Variants in HPD observed in about 807,000 individuals in gnomAD.
HPD encodes the protein 4-hydroxyphenylpyruvic acid oxidase.
HPD carries 35 observed loss-of-function variants against 56.9 expected under a neutral mutation model. That is an observed-to-expected ratio of 0.62 (90% CI 0.47 to 0.82). The LOEUF (loss-of-function observed/expected upper bound fraction) is 0.82. Among genes scored for constraint, HPD ranks in the 40% least tolerant of loss-of-function variants. The pLI, the probability that HPD is intolerant of heterozygous loss-of-function variation, is 0.00. For missense variants in HPD, 442 were observed against 506.8 expected, an observed-to-expected ratio of 0.87 and a Z score of 1.23; for synonymous variants, 186 against 200.2, an observed-to-expected ratio of 0.93 and a Z score of 0.60.
At chr12:121,853,339 G>A (rs187018841) in intron 7 of HPD, among the ~76,000 whole-genome samples, 1 of 152,038 alleles carries the variant, frequency 6.6e-6, no homozygotes, top group Non-Finnish European at 1.5e-5. Flanking sequence ...TATAATAAAA[G>A]TTGAAGAGGT....
the HPD span, among the ~76,000 whole-genome samples, chr12:121,871,960 C>T: frequency 1.5e-4 from 23 of 150,674 alleles, no homozygotes; most frequent in East Asian, 4.0e-4. Context: ...GGGCTGGGCG[C>T]GGTGGCTCAC....
the HPD span, among the ~76,000 whole-genome samples, chr12:121,887,417 A>C: frequency 1.3e-5 from 2 of 151,374 alleles, no homozygotes; most frequent in Non-Finnish European, 2.9e-5. Flanking sequence ...GCGGTAGCTC[A>C]CTCCTGTAAT....
the HPD span, among the ~76,000 whole-genome samples, chr12:121,884,951 C>T: frequency 1.2e-3 from 184 of 152,242 alleles, no homozygotes; most frequent in African/African-American, 4.2e-3. Flanking sequence ...TGCAGTGGCA[C>T]GATCTCGGCT....
At chr12:121,860,440 G>A (rs1413399988), upstream of HPD, among the ~76,000 whole-genome samples, 1 of 152,200 alleles carries the variant, frequency 6.6e-6, no homozygotes, top group African/African-American at 2.4e-5. Flanking sequence ...GCATCTAGAG[G>A]TAGGAACTCT....
intron 4 of HPD, 65 bp downstream of exon 4, chr12:121,857,263 A>G: frequency 9.5e-7 from 1 of 1,047,162 alleles, no homozygotes; most frequent in Non-Finnish European, 1.5e-6. Context: ...TATTTTTAAT[A>G]GAGATGGGGT....
At chr12:121,843,963 C>T (rs1877491919) in intron 11 of HPD, 131 bp from the exon 12 acceptor site, 2 of 988,740 alleles carry the variant, frequency 2.0e-6, no homozygotes, top group East Asian at 4.9e-5. Flanking sequence ...TGCTGTGTGG[C>T]CTCTTCCCCT....
chr12:121,861,520 A>T (rs1269319308), upstream of HPD, among the ~76,000 whole-genome samples: 1 of 152,076 alleles, frequency 6.6e-6, no homozygotes, highest in Non-Finnish European at 1.5e-5. Context: ...GAAATAAGTA[A>T]GTAAGTAAGT....
At chr12:121,879,484 T>TCTCTTCTCTTCTC in the HPD span, among the ~76,000 whole-genome samples, 3 of 150,824 alleles carry the variant, frequency 2.0e-5, no homozygotes, top group African/African-American at 7.3e-5. Flanking sequence ...TCTCTTCTGT[T>TCTCTTCTCTTCTC]CTCTTCTCTT....
At chr12:121,853,051 T>C (rs1200285552) in intron 7 of HPD, among the ~76,000 whole-genome samples, 2 of 152,132 alleles carry the variant, frequency 1.3e-5, no homozygotes, top group African/African-American at 2.4e-5. Context: ...TGGAAGCCGT[T>C]ATCCTCAGCA....
upstream of HPD, chr12:121,859,163 G>T: frequency 2.5e-6 from 1 of 406,596 alleles, no homozygotes; most frequent in Admixed American, 3.6e-5. Context: ...AGGCCGGCTG[G>T]AGTGCAGTGG....
At chr12:121,847,592 C>T (rs1449126939) in intron 9 of HPD, among the ~76,000 whole-genome samples, 1 of 152,150 alleles carries the variant, frequency 6.6e-6, no homozygotes, top group Non-Finnish European at 1.5e-5. Flanking sequence ...GGCTGGAATG[C>T]AGTGACGCAA....
At chr12:121,886,587 T>G in the HPD span, among the ~76,000 whole-genome samples, 5 of 152,050 alleles carry the variant, frequency 3.3e-5, no homozygotes, top group Non-Finnish European at 7.4e-5. Flanking sequence ...TTTGCCTCTT[T>G]CTCCCCTTGT....
chr12:121,864,012 G>A (rs1185471198), upstream of HPD, among the ~76,000 whole-genome samples: 3 of 148,094 alleles, frequency 2.0e-5, no homozygotes, highest in African/African-American at 7.5e-5. Context: ...CAGATCATTT[G>A]AGGTCAGGAA....
At chr12:121,850,865 A>ATT (rs767930845) in intron 7 of HPD, among the ~76,000 whole-genome samples, 1 of 133,080 alleles carries the variant, frequency 7.5e-6, no homozygotes, top group Non-Finnish European at 1.6e-5. Flanking sequence ...CACCTGGCTA[A>ATT]TTTTTTTTTT....
At chr12:121,874,769 T>C in the HPD span, among the ~76,000 whole-genome samples, 1 of 151,892 alleles carries the variant, frequency 6.6e-6, no homozygotes, top group African/African-American at 2.4e-5. Context: ...CACTTTCTTT[T>C]TTTTTTTTTG....
rs542256602 is a variant in HPD, at chr12:121,857,306, T to C, written c.198+22A>G. 4 of 1,498,094 alleles carry C rather than the reference T, an allele frequency of 2.7e-6. No individual in the cohort carries two copies. In the African/African-American group the frequency reaches 5.5e-5, roughly 21 times the overall value. The allele number at this position is 1,498,094 out of a possible 1,614,324, so 92.8% of individuals were successfully genotyped here. A position where few individuals can be genotyped will look rare whatever the true frequency, so the allele number is the denominator to read the frequency against. ...TGTTGGCCAGGCAGGGGTTGGGGGC[T>C]GTCCTGGGGGTGGTGACTCACCTTC... On this transcript the variant is annotated intron_variant, in intron 4 of 13. Coordinates refer to ENST00000289004, the MANE Select transcript of HPD (RefSeq NM_002150.3).
At chr12:121,861,388 C>T (rs1878169265), upstream of HPD, among the ~76,000 whole-genome samples, 1 of 151,796 alleles carries the variant, frequency 6.6e-6, no homozygotes, top group Admixed American at 6.6e-5. Flanking sequence ...GTAATCCCAC[C>T]CAGCTACTTG....
At chr12:121,858,535 A>G in intron 2 of HPD, 152 bp downstream of exon 2, 1 of 799,926 alleles carries the variant, frequency 1.3e-6, no homozygotes, top group South Asian at 1.4e-5. Flanking sequence ...AGTCTCGGGG[A>G]GCCCCGGGGG....
chr12:121,849,104 A>G, intron 8 of HPD, 28 bp from the exon 9 acceptor site: 2 of 1,496,394 alleles, frequency 1.3e-6, no homozygotes, highest in South Asian at 2.3e-5. Context: ...TGGGGGTGAG[A>G]AGGTGGCTAC....
Sources: gnomAD v4.1 joint callset for allele counts (sites outside exome capture counted in the v4.1 genomes callset) on GRCh38, gnomAD v4.1.1 for gene constraint, MANE v1.5 for transcripts, NCBI Gene and HGNC (gene_info 2026-07-23, HGNC 2026-07-21) for gene names.